Variants in NRXN3 observed in about 807,000 individuals in gnomAD.
The protein encoded by NRXN3 is neurexin 3.
Under a neutral mutation model 137.6 loss-of-function variants are expected in NRXN3, and 32 were observed. The ratio of observed to expected loss-of-function variants is 0.23; its 90% CI spans 0.18 to 0.31. The LOEUF (loss-of-function observed/expected upper bound fraction) is 0.31, where lower values mean the gene tolerates loss of function less well. Ranked by LOEUF, NRXN3 falls within the 10% of genes least tolerant of loss-of-function variation. NRXN3 has a pLI of 1.00. For synonymous variants in NRXN3, 798 were observed against 784.5 expected (o/e 1.02, Z -0.29); for missense variants, 1,574 against 2,062.5 (o/e 0.76, Z 4.59).
chr14:78,963,440 A>T (rs996007068), intron 11 of NRXN3, among the ~76,000 whole-genome samples: 4 of 151,778 alleles, frequency 2.6e-5, no homozygotes, highest in African/African-American at 9.7e-5. Context: ...GATATTGACT[A>T]TGACTCCCCC....
At chr14:78,719,600 G>C (rs554827717) in intron 8 of NRXN3, among the ~76,000 whole-genome samples, 69 of 152,286 alleles carry the variant, frequency 4.5e-4, no homozygotes, top group African/African-American at 1.6e-3. Flanking sequence ...CCAGCACTTT[G>C]GGAGGCTGAG....
chr14:79,139,963 T>G (rs906977938), intron 15 of NRXN3, among the ~76,000 whole-genome samples: 6 of 149,992 alleles, frequency 4.0e-5, no homozygotes, highest in Admixed American at 3.3e-4. Flanking sequence ...ATGAGATATA[T>G]ATGTATATAA....
chr14:79,159,962 C>T (rs960839897), intron 15 of NRXN3, among the ~76,000 whole-genome samples: 19 of 151,874 alleles, frequency 1.3e-4, no homozygotes, highest in African/African-American at 4.6e-4. Context: ...AGTGCTAAAT[C>T]TCAATGGAAA....
intron 15 of NRXN3, among the ~76,000 whole-genome samples, chr14:79,323,836 C>T (rs1343616272): frequency 6.6e-6 from 1 of 151,364 alleles, no homozygotes; most frequent in Non-Finnish European, 1.5e-5. Context: ...ACAGCCTGGG[C>T]AACAGAGTGA....
At chr14:79,788,278 A>G (rs1036457919) in intron 19 of NRXN3, among the ~76,000 whole-genome samples, 11 of 152,190 alleles carry the variant, frequency 7.2e-5, no homozygotes, top group Admixed American at 7.2e-4. Flanking sequence ...CGTGGGGATT[A>G]TCGCAATTCA....
At chr14:78,899,654 T>C (rs775858122) in intron 10 of NRXN3, among the ~76,000 whole-genome samples, 2 of 152,002 alleles carry the variant, frequency 1.3e-5, no homozygotes, top group Non-Finnish European at 2.9e-5. Flanking sequence ...AATGTTCACA[T>C]TCATGAGAAA....
chr14:78,447,945 A>G (rs939815909), intron 4 of NRXN3, among the ~76,000 whole-genome samples: 1 of 152,214 alleles, frequency 6.6e-6, no homozygotes, highest in African/African-American at 2.4e-5. Context: ...TTATTCCCTG[A>G]CATGCTCTGT....
chr14:78,200,463 A>G (rs1466900702), intron 1 of NRXN3, among the ~76,000 whole-genome samples: 1 of 152,124 alleles, frequency 6.6e-6, no homozygotes, highest in Non-Finnish European at 1.5e-5. Context: ...TGTGAAATGC[A>G]CATTCTCAGG....
chr14:78,523,643 C>CAAAAAAAAAAAAAAAAA (rs3036598), intron 4 of NRXN3, among the ~76,000 whole-genome samples: 1 of 77,730 alleles, frequency 1.3e-5, no homozygotes, highest in Non-Finnish European at 2.4e-5. Context: ...ACTACAAATA[C>CAAAAAAAAAAAAAAAAA]AAAAAAAAAA....
At chr14:79,345,429 C>T (rs2092819821) in intron 15 of NRXN3, among the ~76,000 whole-genome samples, 1 of 152,146 alleles carries the variant, frequency 6.6e-6, no homozygotes, top group Non-Finnish European at 1.5e-5. Flanking sequence ...AAACCTCTGA[C>T]ACAGCTCCTG....
At chr14:78,853,283 GTTC>G (rs2099048023) in intron 10 of NRXN3, among the ~76,000 whole-genome samples, 1 of 152,028 alleles carries the variant, frequency 6.6e-6, no homozygotes, top group African/African-American at 2.4e-5. Flanking sequence ...AGTTCTCATT[GTTC>G]AATTCCTACC....
intron 10 of NRXN3, among the ~76,000 whole-genome samples, chr14:78,852,749 C>A (rs1262333682): frequency 6.6e-6 from 1 of 152,072 alleles, no homozygotes; most frequent in Admixed American, 6.5e-5. Flanking sequence ...GTTAATGAAT[C>A]TTTCCAAATC....
At chr14:78,683,203 T>C (rs2098092830) in intron 6 of NRXN3, among the ~76,000 whole-genome samples, 1 of 152,244 alleles carries the variant, frequency 6.6e-6, no homozygotes, top group African/African-American at 2.4e-5. Flanking sequence ...AAATGTATTA[T>C]TAAAACTAAC....
intron 16 of NRXN3, among the ~76,000 whole-genome samples, chr14:79,542,325 T>G (rs190663390): frequency 1.4e-3 from 207 of 152,284 alleles, no homozygotes; most frequent in Non-Finnish European, 2.4e-3. Flanking sequence ...TGCCTAAAAT[T>G]CCAGCAGTTG....
intron 10 of NRXN3, among the ~76,000 whole-genome samples, chr14:78,861,045 C>T (rs968530106): frequency 6.6e-6 from 1 of 151,896 alleles, no homozygotes; most frequent in African/African-American, 2.4e-5. Flanking sequence ...TCTAGGTGAT[C>T]GTTATATATG....
chr14:79,676,890 G>T (rs1043312373), intron 17 of NRXN3, among the ~76,000 whole-genome samples: 3 of 151,936 alleles, frequency 2.0e-5, no homozygotes, highest in African/African-American at 7.2e-5. Flanking sequence ...GCCCTATAGT[G>T]CAAGAAAAGT....
At chr14:78,651,423 T>A in intron 6 of NRXN3, 97 bp downstream of exon 6, 1 of 1,321,310 alleles carries the variant, frequency 7.6e-7, no homozygotes, top group Non-Finnish European at 1.0e-6. Flanking sequence ...TCCTCAAATC[T>A]ATGAGATGAT....
intron 1 of NRXN3, among the ~76,000 whole-genome samples, chr14:78,224,750 C>CTT (rs35800837): frequency 0.29 from 18,722 of 64,546 alleles, 7,931 homozygotes; most frequent in South Asian, 0.37. Flanking sequence ...GTGCATGTGT[C>CTT]TTTTTTTTTT....
At position 79,735,768 on chromosome 14, in the gene NRXN3, C is replaced by T. The variant is rs1229129744; in HGVS notation, c.4014+37831C>T. On this transcript the variant is annotated intron_variant, in intron 19 of 20. Coordinates refer to ENST00000335750, the MANE Select transcript of NRXN3 (RefSeq NM_001330195.2). ...GATTCTTTCTCCTGATCTAATAGGG[C>T]TGTTTGGAGGAAGTATTTCTACTGC... 3.9e-5 allele frequency among the ~76,000 whole-genome samples: 6 copies of T among 152,260 alleles called. No individual in the cohort carries two copies. The East Asian group carries it at 7.7e-4, about 20-fold the overall frequency.
Sources: gnomAD v4.1 joint callset for allele counts (sites outside exome capture counted in the v4.1 genomes callset) on GRCh38, gnomAD v4.1.1 for gene constraint, MANE v1.5 for transcripts, NCBI Gene and HGNC (gene_info 2026-07-23, HGNC 2026-07-21) for gene names.